Variants in RIMOC1 observed in about 807,000 individuals in gnomAD.
RIMOC1 encodes RAB7A-interacting MON1-CCZ1 complex subunit 1.
At chr5:41,918,355 C>T in the RIMOC1 span, 71,498 of 985,344 alleles carry the variant, frequency 0.073, 4,636 homozygotes, top group African/African-American at 0.32. Context: ...CTCCTTTATG[C>T]TCATTCCACA....
the RIMOC1 span, chr5:41,916,386 C>T: frequency 1.7e-5 from 15 of 904,400 alleles, no homozygotes; most frequent in Non-Finnish European, 1.9e-5. Context: ...GGAAAAACTA[C>T]CCATAAGAAG....
the RIMOC1 span, chr5:41,904,557 G>C: frequency 2.4e-6 from 3 of 1,264,740 alleles, no homozygotes; most frequent in Admixed American, 2.0e-5. Flanking sequence ...GCTGAGGCCT[G>C]TGTTCCTTTG....
the RIMOC1 span, chr5:41,917,453 A>T: frequency 7.4e-7 from 1 of 1,353,020 alleles, no homozygotes; most frequent in Non-Finnish European, 9.5e-7. Context: ...CAACATCACC[A>T]TCTTTTTCAT....
the RIMOC1 span, chr5:41,911,209 T>C: frequency 9.5e-6 from 15 of 1,582,672 alleles, no homozygotes; most frequent in Non-Finnish European, 1.2e-5. Flanking sequence ...ACATTTTTCA[T>C]TGTTGACATT....
the RIMOC1 span, among the ~76,000 whole-genome samples, chr5:41,911,865 C>T: frequency 6.6e-6 from 1 of 151,586 alleles, no homozygotes; most frequent in African/African-American, 2.4e-5. Context: ...CTCTTTTTTA[C>T]TACTAGAGCA....
At chr5:41,918,387 C>G in the RIMOC1 span, 3 of 985,690 alleles carry the variant, frequency 3.0e-6, no homozygotes, top group African/African-American at 1.7e-5. Context: ...CTTCTTACCC[C>G]CTTTTCTTGA....
At chr5:41,916,788 G>T in the RIMOC1 span, among the ~76,000 whole-genome samples, 8,067 of 152,088 alleles carry the variant, frequency 0.053, 740 homozygotes, top group African/African-American at 0.18. Context: ...AAATTCTCTG[G>T]TACTCTGTTT....
chr5:41,912,284 G>A, the RIMOC1 span: 1 of 698,484 alleles, frequency 1.4e-6, no homozygotes, highest in Non-Finnish European at 2.4e-6. Flanking sequence ...TGTCAAGGTA[G>A]ATTATAGACA....
At chr5:41,907,324 G>C in the RIMOC1 span, among the ~76,000 whole-genome samples, 8 of 152,092 alleles carry the variant, frequency 5.3e-5, no homozygotes, top group African/African-American at 1.9e-4. Flanking sequence ...AATAACATTT[G>C]CAACTACATT....
chr5:41,907,672 G>A, the RIMOC1 span: 3 of 944,556 alleles, frequency 3.2e-6, no homozygotes, highest in Non-Finnish European at 1.6e-6. Flanking sequence ...TACATAATGT[G>A]TTTTTTGTTT....
the RIMOC1 span, chr5:41,918,759 C>G: frequency 6.1e-6 from 6 of 985,214 alleles, no homozygotes; most frequent in Admixed American, 1.2e-4. Flanking sequence ...TGCCCCTCCC[C>G]TAGCATATGG....
chr5:41,918,422 C>G, the RIMOC1 span: 4 of 985,670 alleles, frequency 4.1e-6, no homozygotes, highest in Non-Finnish European at 3.6e-6. Flanking sequence ...CCTAAACTGT[C>G]AGCCCCTTTC....
At chr5:41,912,805 A>G in the RIMOC1 span, among the ~76,000 whole-genome samples, 1 of 152,186 alleles carries the variant, frequency 6.6e-6, no homozygotes, top group Non-Finnish European at 1.5e-5. Flanking sequence ...ACAGAGCCAA[A>G]CATATCAAGC....
At chr5:41,918,826 C>G in the RIMOC1 span, 14,108 of 904,822 alleles carry the variant, frequency 0.016, 139 homozygotes, top group Middle Eastern at 0.036. Context: ...TTGTATTTAC[C>G]AACTTTACTC....
At chr5:41,917,343 A>T in the RIMOC1 span, 2 of 1,528,274 alleles carry the variant, frequency 1.3e-6, no homozygotes, top group East Asian at 2.3e-5. Flanking sequence ...AACAAAACCC[A>T]TGAAATGGAA....
chr5:41,907,625 T>A, the RIMOC1 span: 1 of 617,272 alleles, frequency 1.6e-6, no homozygotes. Context: ...TTTCTCCATA[T>A]GTCATAATAT....
chr5:41,915,426 A>G, the RIMOC1 span, among the ~76,000 whole-genome samples: 2 of 152,234 alleles, frequency 1.3e-5, no homozygotes, highest in African/African-American at 2.4e-5. Flanking sequence ...GAAAGAAGGA[A>G]TAAGTTCTGA....
At chr5:41,911,517 T>C in the RIMOC1 span, among the ~76,000 whole-genome samples, 1 of 152,206 alleles carries the variant, frequency 6.6e-6, no homozygotes, top group African/African-American at 2.4e-5. Flanking sequence ...TCTAAGGAAC[T>C]CACATGACCC....
chr5:41,907,777 A>G, the RIMOC1 span: 1 of 1,609,892 alleles, frequency 6.2e-7, no homozygotes. Flanking sequence ...AGAAAAATTG[A>G]AACTCCTGTG....
Sources: allele counts gnomAD v4.1 joint callset (sites outside exome capture counted in the v4.1 genomes callset), GRCh38; gene constraint gnomAD v4.1.1; transcripts MANE v1.5; gene names NCBI Gene and HGNC (gene_info 2026-07-23, HGNC 2026-07-21).